The following NTRK2 variants were observed in gnomAD, a reference collection of about 807,000 sequenced individuals.
NTRK2 encodes BDNF/NT-3 growth factors receptor.
Under a neutral mutation model 94.5 loss-of-function variants are expected in NTRK2, and 13 were observed. The observed-to-expected ratio is 0.14, with a 90% CI of 0.09 to 0.22. The LOEUF is 0.22. Among genes scored for constraint, NTRK2 ranks in the 10% least tolerant of loss-of-function variants. The probability of loss-of-function intolerance (pLI) is 1.00; values close to 1 mark genes in which losing one functional copy is unlikely to be tolerated. For missense variants in NTRK2, 639 were observed against 1,071.2 expected (o/e 0.60, Z 5.63); for synonymous variants, 372 against 407.4 (o/e 0.91, Z 1.05).
intron 8 of NTRK2, among the ~76,000 whole-genome samples, chr9:84,724,956 A>G (rs1269385167): frequency 6.6e-6 from 1 of 152,246 alleles, no homozygotes; most frequent in African/African-American, 2.4e-5. Context: ...TTAATTAAAC[A>G]TAAGTACATT....
At chr9:84,872,550 C>T in intron 14 of NTRK2, 1 of 1,064,518 alleles carries the variant, frequency 9.4e-7, no homozygotes, top group Non-Finnish European at 1.1e-6. Flanking sequence ...ATGCCCTCTT[C>T]ATGTGCCTAG....
chr9:84,959,172 C>T (rs1346844297), intron 17 of NTRK2, among the ~76,000 whole-genome samples: 2 of 152,188 alleles, frequency 1.3e-5, no homozygotes, highest in Admixed American at 6.5e-5. Context: ...TCCTCTTCAA[C>T]ACTCTGCATT....
chr9:84,806,798 T>C (rs2071171709), intron 12 of NTRK2, among the ~76,000 whole-genome samples: 1 of 152,272 alleles, frequency 6.6e-6, no homozygotes, highest in African/African-American at 2.4e-5. Context: ...CTTGCTCACA[T>C]CTCACTTTGT....
intron 17 of NTRK2, among the ~76,000 whole-genome samples, chr9:85,005,221 A>G (rs1293428904): frequency 6.6e-6 from 1 of 152,246 alleles, no homozygotes; most frequent in Admixed American, 6.5e-5. Flanking sequence ...AACAAGACTC[A>G]GAAAACATGG....
intron 17 of NTRK2, among the ~76,000 whole-genome samples, chr9:84,999,377 A>G (rs1588150252): frequency 6.6e-6 from 1 of 152,186 alleles, no homozygotes; most frequent in African/African-American, 2.4e-5. Flanking sequence ...CTTGTGATGA[A>G]AATTGTATTC....
rs539906313 is a variant in NTRK2 at position 84,969,582 on chromosome 9, T to C, written c.2172+14065T>C. Among the ~76,000 whole-genome samples, 35 of 152,356 alleles carry C rather than the reference T, an allele frequency of 2.3e-4. No homozygotes were observed. In the South Asian group the frequency reaches 7.2e-3, roughly 32 times the overall value. The stretch of plus-strand genomic sequence containing the variant: ...AATAACACGTGTTTTTGTTAAAACA[T>C]TAAATAATGAGATCTTTTGGCGGTC... On this transcript the variant is annotated intron_variant, in intron 17 of 18. Coordinates refer to ENST00000277120, the MANE Select transcript of NTRK2 (RefSeq NM_006180.6).
At chr9:84,940,753 A>G (rs996545930) in intron 15 of NTRK2, among the ~76,000 whole-genome samples, 6 of 152,004 alleles carry the variant, frequency 3.9e-5, no homozygotes, top group Non-Finnish European at 8.8e-5. Context: ...AAAAACATAG[A>G]TGAGAAAAAG....
chr9:84,771,386 A>G (rs1195775696), intron 12 of NTRK2, among the ~76,000 whole-genome samples: 1 of 152,212 alleles, frequency 6.6e-6, no homozygotes, highest in Non-Finnish European at 1.5e-5. Flanking sequence ...CATAGAAGTT[A>G]TCAGTCCATT....
At chr9:84,718,141 C>T (rs1055976624) in intron 6 of NTRK2, among the ~76,000 whole-genome samples, 4 of 151,780 alleles carry the variant, frequency 2.6e-5, no homozygotes, top group East Asian at 1.9e-4. Flanking sequence ...CTATAAGACA[C>T]ACTTTGGGGA....
At chr9:84,948,722 C>A in intron 16 of NTRK2, 88 bp downstream of exon 16, 1 of 1,196,106 alleles carries the variant, frequency 8.4e-7, no homozygotes. Context: ...ACAAGGGACC[C>A]CTGGACCTTT....
intron 12 of NTRK2, among the ~76,000 whole-genome samples, chr9:84,826,806 CATTT>C (rs2073221201): frequency 6.6e-6 from 1 of 152,172 alleles, no homozygotes. Flanking sequence ...CTCATTCATT[CATTT>C]AATAAAAATT....
chr9:84,761,110 C>T (rs1396539507), intron 12 of NTRK2, among the ~76,000 whole-genome samples: 2 of 152,172 alleles, frequency 1.3e-5, no homozygotes, highest in Non-Finnish European at 2.9e-5. Context: ...TTGGCCTTTT[C>T]TGTGATCATC....
chr9:84,795,950 T>C (rs1026308408), intron 12 of NTRK2, among the ~76,000 whole-genome samples: 6 of 152,078 alleles, frequency 3.9e-5, no homozygotes, highest in Non-Finnish European at 7.4e-5. Context: ...TCAAAGCTGA[T>C]TACTTTTCTT....
At chr9:84,939,251 T>G (rs2078322492) in intron 15 of NTRK2, among the ~76,000 whole-genome samples, 1 of 152,092 alleles carries the variant, frequency 6.6e-6, no homozygotes, top group African/African-American at 2.4e-5. Flanking sequence ...TATATAGATA[T>G]ATAGAGCTAA....
At chr9:84,715,216 G>A (rs936900001) in intron 6 of NTRK2, among the ~76,000 whole-genome samples, 8 of 152,106 alleles carry the variant, frequency 5.3e-5, no homozygotes, top group African/African-American at 1.9e-4. Flanking sequence ...TAATATAATG[G>A]TGTGAACGTT....
At chr9:84,990,462 C>G (rs888558209) in intron 17 of NTRK2, among the ~76,000 whole-genome samples, 1 of 152,186 alleles carries the variant, frequency 6.6e-6, no homozygotes, top group Non-Finnish European at 1.5e-5. Context: ...ATTCTCGAAG[C>G]CCAGGCACTC....
intron 14 of NTRK2, among the ~76,000 whole-genome samples, chr9:84,916,318 A>G (rs571979280): frequency 1.3e-5 from 2 of 152,306 alleles, no homozygotes; most frequent in South Asian, 4.1e-4. Flanking sequence ...TTGACTCAGA[A>G]GAGAGCTAAA....
At chr9:84,688,219 G>A (rs1362644210) in intron 2 of NTRK2, among the ~76,000 whole-genome samples, 1 of 152,206 alleles carries the variant, frequency 6.6e-6, no homozygotes, top group Non-Finnish European at 1.5e-5. Context: ...CTTGCTGAAG[G>A]AGAACAGAGT....
chr9:84,718,424 G>A (rs2061850734), intron 6 of NTRK2, among the ~76,000 whole-genome samples: 1 of 152,080 alleles, frequency 6.6e-6, no homozygotes. Flanking sequence ...TTGTGTGTAA[G>A]CTTTGGTGTA....
Sources: allele counts gnomAD v4.1 joint callset (sites outside exome capture counted in the v4.1 genomes callset), GRCh38; gene constraint gnomAD v4.1.1; transcripts MANE v1.5; gene names NCBI Gene and HGNC (gene_info 2026-07-23, HGNC 2026-07-21).